HS3ST3A1: variants seen among roughly 807,000 people sequenced by gnomAD.
The protein encoded by HS3ST3A1 is heparan sulfate glucosamine 3-O-sulfotransferase 3A1.
In HS3ST3A1, 19 loss-of-function variants were observed where a neutral mutation model predicts 25.7. That is an observed-to-expected ratio of 0.74 (90% CI 0.52 to 1.08). The LOEUF is 1.08. Among genes scored for constraint, HS3ST3A1 ranks in the 50% least tolerant of loss-of-function variants. HS3ST3A1 has a pLI of 0.00. For missense variants in HS3ST3A1, 459 were observed against 594.3 expected (o/e 0.77, Z 2.37); for synonymous variants, 226 against 278.6 (o/e 0.81, Z 1.88).
intron 1 of HS3ST3A1, among the ~76,000 whole-genome samples, chr17:13,595,447 C>T (rs754121562): frequency 3.0e-4 from 46 of 152,122 alleles, no homozygotes; most frequent in Admixed American, 5.2e-4. Flanking sequence ...TAAATATCCC[C>T]CAGAGAGATT....
rs1275256163 is a variant in HS3ST3A1, at chr17:13,512,255, C to T, written c.600-15437G>A. Among the ~76,000 whole-genome samples, 9 of 143,478 alleles carry T rather than the reference C, an allele frequency of 6.3e-5. No individual in the cohort carries two copies. In the South Asian group the frequency reaches 1.1e-3, roughly 18 times the overall value. 94.1% of individuals were successfully genotyped at this position (143,478 alleles called of 152,430 possible). A position where few individuals can be genotyped will look rare whatever the true frequency, so the allele number is the denominator to read the frequency against. The stretch of plus-strand genomic sequence containing the variant: ...CGGAGCTTGCAGTGAGCCGAGATTG[C>T]GCCACTGCAGTCCGCAGTCCGGCCT... On this transcript the variant is annotated intron_variant, in intron 1 of 1. Coordinates refer to ENST00000284110, the MANE Select transcript of HS3ST3A1 (RefSeq NM_006042.3).
At chr17:13,525,321 T>G (rs533822027) in intron 1 of HS3ST3A1, among the ~76,000 whole-genome samples, 15 of 152,324 alleles carry the variant, frequency 9.8e-5, no homozygotes, top group African/African-American at 3.4e-4. Context: ...TCCTAATTTT[T>G]TTTTCCTTAA....
At chr17:13,555,212 C>T (rs948548059) in intron 1 of HS3ST3A1, among the ~76,000 whole-genome samples, 4 of 152,130 alleles carry the variant, frequency 2.6e-5, no homozygotes, top group Non-Finnish European at 5.9e-5. Context: ...GCCTGGAGTT[C>T]ATCCTCCCTC....
chr17:13,583,623 A>G (rs1046918233), intron 1 of HS3ST3A1, among the ~76,000 whole-genome samples: 4 of 152,186 alleles, frequency 2.6e-5, no homozygotes, highest in African/African-American at 9.6e-5. Flanking sequence ...ATCAAACTGG[A>G]AAAGAAACTC....
At chr17:13,528,002 A>G (rs1355992431) in intron 1 of HS3ST3A1, among the ~76,000 whole-genome samples, 1 of 152,132 alleles carries the variant, frequency 6.6e-6, no homozygotes, top group Non-Finnish European at 1.5e-5. Context: ...CTTGGCCCCC[A>G]GGAATAAGCA....
chr17:13,581,948 C>T (rs940534242), intron 1 of HS3ST3A1, among the ~76,000 whole-genome samples: 4 of 152,160 alleles, frequency 2.6e-5, no homozygotes, highest in African/African-American at 9.7e-5. Flanking sequence ...TAGAATGTAA[C>T]ACACAGACTC....
At chr17:13,534,510 C>A (rs1906706508) in intron 1 of HS3ST3A1, among the ~76,000 whole-genome samples, 1 of 134,122 alleles carries the variant, frequency 7.5e-6, no homozygotes, top group African/African-American at 2.9e-5. Flanking sequence ...TTGAGACCAG[C>A]CTGGGTAACA....
chr17:13,556,874 G>T (rs1426164955), intron 1 of HS3ST3A1, among the ~76,000 whole-genome samples: 1 of 146,324 alleles, frequency 6.8e-6, no homozygotes, highest in Non-Finnish European at 1.5e-5. Context: ...AAAGCAAGAT[G>T]AAATCAGCAT....
At chr17:13,571,796 G>A (rs1373619802) in intron 1 of HS3ST3A1, among the ~76,000 whole-genome samples, 2 of 152,138 alleles carry the variant, frequency 1.3e-5, no homozygotes, top group Non-Finnish European at 2.9e-5. Flanking sequence ...GTCACACTCC[G>A]TTGCCCAGGC....
rs1446806749 is a variant in HS3ST3A1, at chr17:13,495,643, A to G, written c.*554T>C. 6.6e-6 allele frequency: 1 copy of G among 152,316 alleles called. No individual in the cohort carries two copies. Among genetic ancestry groups the G allele is most frequent in the African/African-American group, 2.4e-5 (1 of 41,450 alleles). The allele number at this position is 152,316 out of a possible 1,614,324, so 9.4% of individuals were successfully genotyped here. On this transcript the variant is annotated 3_prime_UTR_variant, in exon 2 of 2. Coordinates refer to ENST00000284110, the MANE Select transcript of HS3ST3A1 (RefSeq NM_006042.3). ...CAAAGACTCAGTTTTCCTTTCTGTAAAATGGGGATAATAATATTTACCTAT... is the reference window on the plus strand; with the variant it reads ...CAAAGACTCAGTTTTCCTTTCTGTAGAATGGGGATAATAATATTTACCTAT...
intron 1 of HS3ST3A1, among the ~76,000 whole-genome samples, chr17:13,585,388 C>T (rs1195603051): frequency 1.3e-5 from 2 of 151,008 alleles, no homozygotes; most frequent in Non-Finnish European, 3.0e-5. Context: ...TTAGTGGAGA[C>T]GGGGTTTCAC....
chr17:13,545,689 A>G (rs867949606), intron 1 of HS3ST3A1, among the ~76,000 whole-genome samples: 48 of 152,190 alleles, frequency 3.2e-4, no homozygotes, highest in African/African-American at 1.1e-3. Flanking sequence ...CACTCAGTAC[A>G]TCCAGCAAAA....
intron 1 of HS3ST3A1, among the ~76,000 whole-genome samples, chr17:13,501,725 C>T (rs1280586426): frequency 6.6e-6 from 1 of 152,202 alleles, no homozygotes; most frequent in East Asian, 1.9e-4. Context: ...ATTATTACTA[C>T]AGGGAATACA....
intron 1 of HS3ST3A1, among the ~76,000 whole-genome samples, chr17:13,549,009 C>T (rs909177739): frequency 2.6e-5 from 4 of 152,220 alleles, no homozygotes; most frequent in African/African-American, 9.6e-5. Context: ...GCGATCTGCT[C>T]CGGTCCCTTG....
Position 13,600,793 on chromosome 17 carries a change from A to T in HS3ST3A1, c.337T>A (p.Trp113Arg). The change falls in exon 1 of 2, where the codon TGG becomes AGG. Residue 113 changes from tryptophan (W) to arginine (R), a missense_variant. By Grantham distance (101) the Trp-to-Arg change is moderately radical. This residue lies in a region of HS3ST3A1 where 346 missense variants were observed against 303.9 expected (regional missense o/e 1.14). Transcript: ENST00000284110. ...GACAGGCCAGGGGACTCTTCTTCCC[A>T]GGCCGCCTCCTCGCCGTCGTCGCGG... ...APRDDGEEAAWEEESPGLSGG... is the reference protein window; with the variant it reads ...APRDDGEEAAREEESPGLSGG... 3.5e-6 allele frequency: 5 copies of T among 1,431,460 alleles called. No individual in the cohort carries two copies. Among genetic ancestry groups the T allele is most frequent in the Non-Finnish European group, 4.5e-6 (5 of 1,105,784 alleles). The allele number at this position is 1,431,460 out of a possible 1,614,324, so 88.7% of individuals were successfully genotyped here. A position where few individuals can be genotyped will look rare whatever the true frequency, so the allele number is the denominator to read the frequency against.
At chr17:13,531,235 A>AT (rs1359318074) in intron 1 of HS3ST3A1, among the ~76,000 whole-genome samples, 1 of 152,232 alleles carries the variant, frequency 6.6e-6, no homozygotes, top group Non-Finnish European at 1.5e-5. Context: ...AAACATGTCC[A>AT]TTAGTAAATA....
At chr17:13,522,765 C>T (rs1045533371) in intron 1 of HS3ST3A1, among the ~76,000 whole-genome samples, 1 of 151,168 alleles carries the variant, frequency 6.6e-6, no homozygotes, top group Non-Finnish European at 1.5e-5. Flanking sequence ...AAAAAAATGG[C>T]AAAATAATAT....
intron 1 of HS3ST3A1, among the ~76,000 whole-genome samples, chr17:13,589,732 G>A (rs1908370843): frequency 6.6e-6 from 1 of 152,216 alleles, no homozygotes; most frequent in South Asian, 2.1e-4. Context: ...CTTTGTCTGT[G>A]AAATGAAATC....
intron 1 of HS3ST3A1, among the ~76,000 whole-genome samples, chr17:13,513,313 C>T (rs769290783): frequency 3.3e-5 from 5 of 152,190 alleles, no homozygotes; most frequent in Non-Finnish European, 7.3e-5. Flanking sequence ...TCTTTCAGCA[C>T]AGGAAAACGA....
Sources: allele counts gnomAD v4.1 joint callset (sites outside exome capture counted in the v4.1 genomes callset), GRCh38; gene constraint gnomAD v4.1.1; regional missense constraint gnomAD v4.1.1; transcripts MANE v1.5; gene names NCBI Gene and HGNC (gene_info 2026-07-23, HGNC 2026-07-21).